Variants in SYNE1 observed in about 807,000 individuals in gnomAD.
SYNE1 encodes the protein nesprin-1.
SYNE1 carries 616 observed loss-of-function variants against 1,111.0 expected under a neutral mutation model. The observed-to-expected ratio is 0.55, with a 90% confidence interval of 0.52 to 0.59. The LOEUF is 0.59. Among genes scored for constraint, SYNE1 ranks in the 20% least tolerant of loss-of-function variants. The pLI, the probability that SYNE1 is intolerant of heterozygous loss-of-function variation, is 0.00. For synonymous variants in SYNE1, 3,855 were observed against 3,825.8 expected, an observed-to-expected ratio of 1.01 and a Z score of -0.28; for missense variants, 10,006 against 10,417.0, an observed-to-expected ratio of 0.96 and a Z score of 1.72.
chr6:152,152,318 G>A (rs1048879186), intron 133 of SYNE1, among the ~76,000 whole-genome samples, 177 bp from the exon 134 acceptor site: 7 of 152,128 alleles, frequency 4.6e-5, no homozygotes, highest in African/African-American at 1.4e-4. Context: ...TCTAGTCAGC[G>A]TAACTTAAAG....
chr6:152,430,584 T>G lies in SYNE1; in HGVS notation c.4587A>C (p.Ile1529=). 1 of 1,614,172 alleles carries G rather than the reference T, an allele frequency of 6.2e-7. No individual in the cohort carries two copies. Among genetic ancestry groups the G allele is most frequent in the Non-Finnish European group, 8.5e-7 (1 of 1,180,010 alleles). The change falls in exon 35 of 146, where the codon ATA becomes ATC. Residue 1529 remains isoleucine, a synonymous_variant. Coordinates refer to ENST00000367255, the MANE Select transcript of SYNE1 (RefSeq NM_182961.4). ...CTCGAAGCTCTTCCCCGTATCTTCT[T>G]ATTTGTGTCAACTTGGCTTTAATTC... ...SARIKAKLTQ[I]RRYGEELREH...
rs773667598 is a variant in SYNE1, at chr6:152,505,172, A to G, written c.778+29T>C. ...ACATAAAAACCCTCCGTGTTAAGGTATATAACAGTCAATGAATATTCAGCC... is the reference window on the plus strand; with the variant it reads ...ACATAAAAACCCTCCGTGTTAAGGTGTATAACAGTCAATGAATATTCAGCC... On this transcript the variant is annotated intron_variant, in intron 9 of 145. Coordinates refer to ENST00000367255, the MANE Select transcript of SYNE1 (RefSeq NM_182961.4). The G allele has an allele frequency of 2.7e-5, 43 of 1,609,838 alleles. No individual in the cohort carries two copies. In the Admixed American group the frequency reaches 4.2e-4, roughly 16 times the overall value.
At chr6:152,225,901 T>C (rs2081468739) in intron 115 of SYNE1, 25 bp from the exon 116 acceptor site, 1 of 1,607,768 alleles carries the variant, frequency 6.2e-7, no homozygotes, top group Non-Finnish European at 8.5e-7. Context: ...AAATAGTCAC[T>C]TTAAATTGTT....
chr6:152,537,276 A>G (rs2099248056), intron 4 of SYNE1, among the ~76,000 whole-genome samples: 1 of 152,132 alleles, frequency 6.6e-6, no homozygotes, highest in African/African-American at 2.4e-5. Context: ...AAGCATTAAG[A>G]CTTCAATTTG....
chr6:152,369,158 G>A, intron 60 of SYNE1, 31 bp from the exon 61 acceptor site: 1 of 1,609,730 alleles, frequency 6.2e-7, no homozygotes. Flanking sequence ...ACTATTCAGA[G>A]GCTGGGGAAA....
At chr6:152,490,404 C>G (rs537651573) in intron 11 of SYNE1, among the ~76,000 whole-genome samples, 1 of 152,222 alleles carries the variant, frequency 6.6e-6, no homozygotes, top group South Asian at 2.1e-4. Flanking sequence ...TGAAGAACCA[C>G]AAAATAAGTG....
At position 152,122,780 on chromosome 6, in the gene SYNE1, C is replaced by A. The variant is rs1447298812; in HGVS notation, c.26154-104G>T. 1.9e-6 allele frequency: 3 copies of A among 1,564,752 alleles called. No homozygotes were observed. The South Asian group carries it at 3.4e-5, about 18-fold the overall frequency. The stretch of plus-strand genomic sequence containing the variant: ...GGAAGCTAAAGGGCCATGCCAAGCA[C>A]ACCCCAGCCTGGCGATCAGCTGCCA... On this transcript the variant is annotated intron_variant, in intron 145 of 145. Transcript: ENST00000367255.
chr6:152,154,667 C>G (rs1028159602), intron 133 of SYNE1, among the ~76,000 whole-genome samples: 1 of 152,116 alleles, frequency 6.6e-6, no homozygotes, highest in African/African-American at 2.4e-5. Context: ...CTCTTCATTA[C>G]TACAGTATTT....
At chr6:152,613,260 GC>G (rs2128813013) in intron 3 of SYNE1, among the ~76,000 whole-genome samples, 1 of 152,232 alleles carries the variant, frequency 6.6e-6, no homozygotes, top group East Asian at 1.9e-4. Flanking sequence ...CATCATCTCA[GC>G]CCCAAATCTC....
At position 152,391,555 on chromosome 6, in the gene SYNE1, TATC is replaced by T; in HGVS notation, c.7723_7725del (p.Asp2575del). ...AGAAGCTGCCCTCTCTGGGAAAGCT[TATC>T]AAGAGACTCTCTGAAAAAAAGGAAA... On this transcript the variant is annotated inframe_deletion, in exon 52 of 146. Coordinates refer to ENST00000367255, the MANE Select transcript of SYNE1 (RefSeq NM_182961.4). The T allele has an allele frequency of 6.6e-7, 1 of 1,526,690 alleles. No individual in the cohort carries two copies. The highest frequency in any genetic ancestry group is 8.8e-7 in the Non-Finnish European group (1 of 1,130,648). The allele number at this position is 1,526,690 out of a possible 1,614,324, so 94.6% of individuals were successfully genotyped here. A position where few individuals can be genotyped will look rare whatever the true frequency, so the allele number is the denominator to read the frequency against.
At position 152,133,471 on chromosome 6, in the gene SYNE1, C is replaced by A. The variant is rs1034606579; in HGVS notation, c.25806G>T (p.Leu8602=). The A allele has an allele frequency of 1.9e-6, 3 of 1,614,222 alleles. No homozygotes were observed. Among genetic ancestry groups the A allele is most frequent in the Non-Finnish European group, 1.7e-6 (2 of 1,180,036 alleles). The change falls in exon 143 of 146, where the codon CTG becomes CTT. Residue 8602 remains leucine (L), a synonymous_variant. Coordinates refer to ENST00000367255, the MANE Select transcript of SYNE1 (RefSeq NM_182961.4). ...AGGCTACTCTGAGTTGGGATTCCAA[C>A]AGCTCATGCTTTATTTGCTATGCAT... ...HKQLMQIKHE[L]LESQLRVASL... is the part of the protein sequence containing the mutation.
chr6:152,367,395 G>T lies in SYNE1; in HGVS notation c.9808-13C>A. On this transcript the variant is annotated splice_polypyrimidine_tract_variant and intron_variant, in intron 61 of 145. Transcript: ENST00000367255. ...TTGACACTTTCTCCTGGAAATGACA[G>T]AAATGGTTTTCGAGCTGTCCATCCC... The T allele has an allele frequency of 6.2e-7, 1 of 1,613,594 alleles. No homozygotes were observed.
rs113660991 is a variant in SYNE1 at position 152,346,811 on chromosome 6, A to G, written c.12078+248T>C. ...TGCGACAGAGTGAGACTCCGTCTCAAACAAAACAAAACAAAACAAAAAAAC... is the reference window on the plus strand; with the variant it reads ...TGCGACAGAGTGAGACTCCGTCTCAGACAAAACAAAACAAAACAAAAAAAC... On this transcript the variant is annotated intron_variant, in intron 73 of 145. Coordinates refer to ENST00000367255, the MANE Select transcript of SYNE1 (RefSeq NM_182961.4). Among the ~76,000 whole-genome samples, 291 of 152,202 alleles carry G rather than the reference A, an allele frequency of 1.9e-3. 3 individuals carry two copies. The highest frequency in any genetic ancestry group is 6.9e-3 in the African/African-American group (287 of 41,548).
intron 75 of SYNE1, among the ~76,000 whole-genome samples, chr6:152,337,449 C>T (rs980827364): frequency 2.0e-5 from 3 of 152,192 alleles, no homozygotes; most frequent in African/African-American, 7.2e-5. Context: ...GCCGTCACAC[C>T]CAACTAATTT....
intron 3 of SYNE1, among the ~76,000 whole-genome samples, chr6:152,604,956 GAAAGAAAGAAAGAAA>G (rs2099607733): frequency 1.3e-4 from 2 of 15,128 alleles, no homozygotes; most frequent in African/African-American, 4.7e-4. Flanking sequence ...AAGAAAGAAA[GAAAGAAAGAAAGAAA>G]GAAAGAAAGA....
At position 152,417,521 on chromosome 6, in the gene SYNE1, C is replaced by CAAAAA. The variant is rs1554664101; in HGVS notation, c.5422-507_5422-506insTTTTT. ...TCAAACAAACAAACAAACAAACAAA[C>CAAAAA]AAACACAACTCTGTTTTGGAACTAT... On this transcript the variant is annotated intron_variant, in intron 40 of 145. Transcript: ENST00000367255. Among the ~76,000 whole-genome samples, 231 of 151,756 alleles carry CAAAAA rather than the reference C, an allele frequency of 1.5e-3. 2 individuals are homozygous for CAAAAA. Among genetic ancestry groups the CAAAAA allele is most frequent in the African/African-American group, 5.4e-3 (222 of 41,342 alleles).
At chr6:152,633,983 T>C (rs576482745) in intron 2 of SYNE1, among the ~76,000 whole-genome samples, 4 of 152,256 alleles carry the variant, frequency 2.6e-5, no homozygotes, top group Non-Finnish European at 5.9e-5. Context: ...AGGCATACTC[T>C]TCTTAACATC....
Position 152,344,226 on chromosome 6 carries a change from A to G in SYNE1, c.12080T>C (p.Met4027Thr). Residue 4027 changes from methionine to threonine, a missense_variant and splice_region_variant, in exon 74 of 146, where the codon ATG (methionine) becomes ACG (threonine). By Grantham distance (81) the Met-to-Thr change is moderately conservative. Around this residue, in one of 7 missense-constraint regions of SYNE1, gnomAD observed 4,955 missense variants for 5,017.2 expected, o/e 0.99. Transcript: ENST00000367255. ...AAGTTCGTGTTCCAAACTCTGGTACATCTGAGACAATACAATCATGCTGAG... is the reference window on the plus strand; with the variant it reads ...AAGTTCGTGTTCCAAACTCTGGTACGTCTGAGACAATACAATCATGCTGAG... ...YSAICSTAQR[M>T]YQSLEHELQK... 6.2e-7 allele frequency: 1 copy of G among 1,614,216 alleles called. No individual in the cohort carries two copies. The highest frequency in any genetic ancestry group is 2.2e-5 in the East Asian group (1 of 44,876).
At chr6:152,383,142 G>C (rs2097455549) in intron 55 of SYNE1, among the ~76,000 whole-genome samples, 1 of 152,124 alleles carries the variant, frequency 6.6e-6, no homozygotes, top group Non-Finnish European at 1.5e-5. Flanking sequence ...ACTTCTGAGA[G>C]GCAGTTTCTG....
Sources: gnomAD v4.1 joint callset for allele counts (sites outside exome capture counted in the v4.1 genomes callset) on GRCh38, gnomAD v4.1.1 for gene constraint, gnomAD v4.1.1 regional missense constraint, MANE v1.5 for transcripts, NCBI Gene and HGNC (gene_info 2026-07-23, HGNC 2026-07-21) for gene names.